HSPA12A: variants seen among roughly 807,000 people sequenced by gnomAD.
HSPA12A encodes heat shock 70 kDa protein 12A.
In HSPA12A, 28 loss-of-function variants were observed where a neutral mutation model predicts 69.2. The observed-to-expected ratio is 0.40, with a 90% CI of 0.30 to 0.55. The LOEUF (loss-of-function observed/expected upper bound fraction) is 0.55. HSPA12A is among the 20% of genes least tolerant of loss of function. HSPA12A has a pLI of 0.38. For synonymous variants in HSPA12A, 345 were observed against 370.5 expected (o/e 0.93, Z 0.79); for missense variants, 686 against 900.7 (o/e 0.76, Z 3.05).
At chr10:116,830,537 G>C (rs77022299) in intron 2 of HSPA12A, 1 of 147,466 alleles carries the variant, frequency 6.8e-6, no homozygotes, top group African/African-American at 2.7e-5. Flanking sequence ...CACTTTGGGA[G>C]CAAAGTTGGG....
At chr10:116,835,068 T>C in intron 1 of HSPA12A, 3 of 1,173,076 alleles carry the variant, frequency 2.6e-6, no homozygotes, top group South Asian at 8.6e-5. Flanking sequence ...TGTCGATTTG[T>C]TTCCATGTTG....
chr10:116,758,061 T>C (rs1355480321), intron 2 of HSPA12A, among the ~76,000 whole-genome samples: 2 of 152,208 alleles, frequency 1.3e-5, no homozygotes. Flanking sequence ...TTTTCTTTTA[T>C]AACAAGAACA....
At chr10:116,742,688 G>A (rs1400091014), upstream of HSPA12A, 13 of 800,428 alleles carry the variant, frequency 1.6e-5, no homozygotes, top group East Asian at 2.3e-4. Context: ...GGCCGGGAAA[G>A]GTCGGGGAAG....
intron 2 of HSPA12A, among the ~76,000 whole-genome samples, chr10:116,807,209 G>A (rs1589718217): frequency 7.1e-6 from 1 of 139,980 alleles, no homozygotes; most frequent in African/African-American, 2.7e-5. Context: ...GCCAGTGCAG[G>A]GCCTAGAGGG....
intron 2 of HSPA12A, among the ~76,000 whole-genome samples, chr10:116,780,478 A>T (rs1266170349): frequency 3.9e-5 from 6 of 152,002 alleles, no homozygotes; most frequent in Non-Finnish European, 7.4e-5. Flanking sequence ...CAGCCTCCTG[A>T]GTGGCTGGGA....
intron 4 of HSPA12A, 28 bp from the exon 5 acceptor site, chr10:116,698,767 A>G: frequency 6.5e-7 from 1 of 1,548,104 alleles, no homozygotes; most frequent in South Asian, 1.1e-5. Flanking sequence ...AACAATAGTA[A>G]GAAGATGACA....
Position 116,674,940 on chromosome 10 carries a change from C to G in HSPA12A, c.1869G>C (p.Thr623=). The G allele has an allele frequency of 6.2e-7, 1 of 1,614,074 alleles. No homozygotes were observed. The highest frequency in any genetic ancestry group is 2.2e-5 in the East Asian group (1 of 44,856). ...ITDPGVKKCG[T]LRLDLTGTSG... ...TGGTCCCTGTGAGATCCAGGCGGAG[C>G]GTGCCACACTTCTTCACCCCGGGAT... Residue 623 remains threonine (T), a synonymous_variant, in exon 12 of 12, where the codon ACG becomes ACC. Coordinates refer to ENST00000369209, the MANE Select transcript of HSPA12A (RefSeq NM_025015.3).
intron 2 of HSPA12A, among the ~76,000 whole-genome samples, chr10:116,823,937 T>C (rs1845453461): frequency 6.6e-6 from 1 of 152,170 alleles, no homozygotes; most frequent in Non-Finnish European, 1.5e-5. Flanking sequence ...CCTTCATGCT[T>C]TGAAGGACAT....
At chr10:116,705,111 T>C (rs1554882185) in intron 3 of HSPA12A, 40 bp downstream of exon 3, 4 of 1,610,886 alleles carry the variant, frequency 2.5e-6, no homozygotes, top group Admixed American at 3.3e-5. Context: ...GGTGCAGTGG[T>C]TGGCACCAGC....
chr10:116,785,272 C>T (rs1258860909), intron 2 of HSPA12A, among the ~76,000 whole-genome samples: 1 of 151,776 alleles, frequency 6.6e-6, no homozygotes, highest in Non-Finnish European at 1.5e-5. Flanking sequence ...AATTCTGGAA[C>T]ACAGGCAAGG....
intron 5 of HSPA12A, among the ~76,000 whole-genome samples, chr10:116,697,409 G>A (rs1490718284): frequency 1.3e-5 from 2 of 151,230 alleles, no homozygotes; most frequent in Non-Finnish European, 2.9e-5. Flanking sequence ...CGACCCAAGG[G>A]GGCTCACGCT....
At chr10:116,711,147 G>C (rs7921785) in intron 1 of HSPA12A, among the ~76,000 whole-genome samples, 87,511 of 151,956 alleles carry the variant, frequency 0.58, 25,709 homozygotes, top group South Asian at 0.71. Context: ...CAATTATACA[G>C]AGGCCATTAT....
intron 2 of HSPA12A, among the ~76,000 whole-genome samples, chr10:116,793,651 G>A (rs1180675892): frequency 1.3e-5 from 2 of 152,060 alleles, no homozygotes; most frequent in Non-Finnish European, 2.9e-5. Context: ...AAGAGAGGGA[G>A]AATGAAATAA....
intron 2 of HSPA12A, among the ~76,000 whole-genome samples, chr10:116,814,662 G>C (rs1301161593): frequency 6.6e-6 from 1 of 152,162 alleles, no homozygotes; most frequent in African/African-American, 2.4e-5. Flanking sequence ...CCAGGACTTG[G>C]GCCAGACTAG....
chr10:116,767,239 G>C (rs1031837217), intron 2 of HSPA12A, among the ~76,000 whole-genome samples: 1 of 152,214 alleles, frequency 6.6e-6, no homozygotes, highest in African/African-American at 2.4e-5. Context: ...CAGAGGACAA[G>C]AGCCTGGGCC....
At chr10:116,790,092 CTTTTTTTTTTTTTTTT>C (rs140785704) in intron 2 of HSPA12A, among the ~76,000 whole-genome samples, 5 of 69,146 alleles carry the variant, frequency 7.2e-5, no homozygotes, top group South Asian at 8.6e-4. Flanking sequence ...GATAATCTTT[CTTTTTTTTTTTTTTTT>C]TTTTTTTTTT....
chr10:116,775,379 A>G (rs1844312843), intron 2 of HSPA12A, among the ~76,000 whole-genome samples: 1 of 152,066 alleles, frequency 6.6e-6, no homozygotes, highest in African/African-American at 2.4e-5. Context: ...GTCACCCCAC[A>G]CTGTCTCTTC....
chr10:116,809,136 G>A (rs1042775405), intron 2 of HSPA12A, among the ~76,000 whole-genome samples: 3 of 152,138 alleles, frequency 2.0e-5, no homozygotes, highest in Admixed American at 6.5e-5. Flanking sequence ...GGGCTTAAGT[G>A]GGGACTCAGG....
chr10:116,811,958 G>A (rs1416908215), intron 2 of HSPA12A, among the ~76,000 whole-genome samples: 3 of 152,144 alleles, frequency 2.0e-5, no homozygotes, highest in Non-Finnish European at 1.5e-5. Context: ...CAGTCACCCC[G>A]ATGTGGCCAG....
Sources: gnomAD v4.1 joint callset for allele counts (sites outside exome capture counted in the v4.1 genomes callset) on GRCh38, gnomAD v4.1.1 for gene constraint, MANE v1.5 for transcripts, NCBI Gene and HGNC (gene_info 2026-07-23, HGNC 2026-07-21) for gene names.